ZDHHC20: variants seen among roughly 807,000 people sequenced by gnomAD.
The protein encoded by ZDHHC20 is zDHHC palmitoyltransferase 20, also known as palmitoyltransferase ZDHHC20.
Under a neutral mutation model 57.8 loss-of-function variants are expected in ZDHHC20, and 43 were observed. The ratio of observed to expected loss-of-function variants is 0.74; its 90% CI spans 0.58 to 0.96. The LOEUF (loss-of-function observed/expected upper bound fraction) is 0.96, where lower values mean the gene tolerates loss of function less well. Ranked by LOEUF, ZDHHC20 falls within the 40% of genes least tolerant of loss-of-function variation. The probability of loss-of-function intolerance (pLI) is 0.00; values close to 1 mark genes in which losing one functional copy is unlikely to be tolerated. For missense variants in ZDHHC20, 391 were observed against 441.1 expected, an observed-to-expected ratio of 0.89 and a Z score of 1.02; for synonymous variants, 157 against 153.0, an observed-to-expected ratio of 1.03 and a Z score of -0.19.
At chr13:21,415,522 A>G (rs1879845922) in intron 3 of ZDHHC20, among the ~76,000 whole-genome samples, 1 of 152,192 alleles carries the variant, frequency 6.6e-6, no homozygotes, top group African/African-American at 2.4e-5. Flanking sequence ...AAGATGAAAA[A>G]GTCTTAAAGA....
chr13:21,456,301 T>C (rs1406360807), intron 1 of ZDHHC20, among the ~76,000 whole-genome samples: 1 of 152,046 alleles, frequency 6.6e-6, no homozygotes, highest in African/African-American at 2.4e-5. Flanking sequence ...TCCCAGCTAC[T>C]TGGGAGGCTG....
At chr13:21,414,785 C>T (rs954505417) in intron 3 of ZDHHC20, among the ~76,000 whole-genome samples, 54 of 151,514 alleles carry the variant, frequency 3.6e-4, no homozygotes, top group African/African-American at 1.3e-3. Context: ...TTTAATTGTT[C>T]TTTTCATATG....
chr13:21,415,469 T>C (rs1879840752), intron 3 of ZDHHC20, among the ~76,000 whole-genome samples: 1 of 152,034 alleles, frequency 6.6e-6, no homozygotes, highest in South Asian at 2.1e-4. Context: ...CATGGACAGA[T>C]GAACAGGACA....
intron 3 of ZDHHC20, among the ~76,000 whole-genome samples, chr13:21,414,208 T>C (rs1010800286): frequency 6.7e-6 from 1 of 149,804 alleles, no homozygotes; most frequent in African/African-American, 2.5e-5. Context: ...TAGCCAAATG[T>C]CTCATGAAGG....
intron 1 of ZDHHC20, among the ~76,000 whole-genome samples, chr13:21,449,355 T>A (rs1593285800): frequency 6.6e-6 from 1 of 152,186 alleles, no homozygotes; most frequent in African/African-American, 2.4e-5. Context: ...GCAGCTCGAA[T>A]GGGGTGGGAG....
intron 8 of ZDHHC20, among the ~76,000 whole-genome samples, chr13:21,389,886 G>GT (rs1875347198): frequency 6.6e-6 from 1 of 152,134 alleles, no homozygotes; most frequent in Non-Finnish European, 1.5e-5. Context: ...AGAACTTAAG[G>GT]GCTGGACTTT....
chr13:21,446,423 C>T (rs1020972656), intron 1 of ZDHHC20, among the ~76,000 whole-genome samples: 3 of 152,146 alleles, frequency 2.0e-5, no homozygotes, highest in African/African-American at 7.2e-5. Context: ...CAGAAGACTT[C>T]ACATTTAATA....
At chr13:21,423,754 T>G (rs1880927759) in intron 2 of ZDHHC20, among the ~76,000 whole-genome samples, 1 of 151,430 alleles carries the variant, frequency 6.6e-6, no homozygotes. Context: ...TTGTTTTTCC[T>G]TTGGAAAAGT....
intron 4 of ZDHHC20, among the ~76,000 whole-genome samples, chr13:21,410,604 A>C (rs988548884): frequency 6.6e-6 from 1 of 152,204 alleles, no homozygotes; most frequent in Non-Finnish European, 1.5e-5. Context: ...GTGCCTTTGC[A>C]GAGCTGTGGT....
At chr13:21,409,161 T>C (rs1646475970) in intron 4 of ZDHHC20, among the ~76,000 whole-genome samples, 1 of 152,208 alleles carries the variant, frequency 6.6e-6, no homozygotes, top group African/African-American at 2.4e-5. Context: ...TTCTATTGTT[T>C]AGAATAGTTT....
At chr13:21,387,249 A>C (rs1332389064) in intron 9 of ZDHHC20, among the ~76,000 whole-genome samples, 1 of 152,198 alleles carries the variant, frequency 6.6e-6, no homozygotes. Context: ...TTGCATTTTG[A>C]AGAAAAAATC....
At chr13:21,398,129 A>C (rs1198042897) in intron 7 of ZDHHC20, among the ~76,000 whole-genome samples, 1 of 152,194 alleles carries the variant, frequency 6.6e-6, no homozygotes, top group Non-Finnish European at 1.5e-5. Context: ...GCAAATATTT[A>C]CTGAACACCT....
At chr13:21,435,803 C>T (rs1882482954) in intron 1 of ZDHHC20, among the ~76,000 whole-genome samples, 1 of 152,088 alleles carries the variant, frequency 6.6e-6, no homozygotes, top group African/African-American at 2.4e-5. Flanking sequence ...AAAATGTCTC[C>T]CAATAAGAAA....
Position 21,375,213 on chromosome 13 carries a change from A to C in ZDHHC20, c.*1483T>G. On this transcript the variant is annotated 3_prime_UTR_variant, in exon 13 of 13. Coordinates refer to ENST00000400590, the MANE Select transcript of ZDHHC20 (RefSeq NM_001330059.2). ...CATCACAGAATGTTAGAAGTCATCC[A>C]GTCCAACTTATTCACAACACCCCCT... is the stretch of plus-strand genomic sequence containing the variant. 1 of 456,130 alleles carries C rather than the reference A, an allele frequency of 2.2e-6. No homozygotes were observed. Among genetic ancestry groups the C allele is most frequent in the Non-Finnish European group, 4.4e-6 (1 of 226,764 alleles). The allele number at this position is 456,130 out of a possible 1,614,324, so 28.3% of individuals were successfully genotyped here. A position where few individuals can be genotyped will look rare whatever the true frequency, so the allele number is the denominator to read the frequency against.
In ZDHHC20 at chr13:21,457,350, T is replaced by C. The variant is rs1165818514; in HGVS notation, c.118+1704A>G. ...ATCTTCTGACAGAATAGGAATGACA[T>C]AACTTTTAGAATAAATGCCCACTTC... On this transcript the variant is annotated intron_variant, in intron 1 of 12. Transcript: ENST00000400590. Among the ~76,000 whole-genome samples, 6 of 152,280 alleles carry C rather than the reference T, an allele frequency of 3.9e-5. No homozygotes were observed. In the East Asian group the frequency reaches 9.6e-4, roughly 24 times the overall value.
At chr13:21,449,742 T>G (rs1360642414) in intron 1 of ZDHHC20, among the ~76,000 whole-genome samples, 1 of 151,830 alleles carries the variant, frequency 6.6e-6, no homozygotes, top group Non-Finnish European at 1.5e-5. Context: ...CCTCCAGGGT[T>G]CAAGCGATTC....
intron 1 of ZDHHC20, among the ~76,000 whole-genome samples, chr13:21,436,168 T>A (rs1334695742): frequency 6.6e-6 from 1 of 152,180 alleles, no homozygotes; most frequent in Non-Finnish European, 1.5e-5. Flanking sequence ...TAATAGAATA[T>A]TAATTACAAA....
In ZDHHC20 at chr13:21,375,199, G is replaced by C. The variant is rs532841771; in HGVS notation, c.*1497C>G. The C allele has an allele frequency of 2.2e-6, 1 of 456,476 alleles. No individual in the cohort carries two copies. The highest frequency in any genetic ancestry group is 1.5e-5 in the South Asian group (1 of 64,546). The allele number at this position is 456,476 out of a possible 1,614,324, so 28.3% of individuals were successfully genotyped here. ...TTTGCAAAATTAGGCATCACAGAATGTTAGAAGTCATCCAGTCCAACTTAT... is the reference window on the plus strand; with the variant it reads ...TTTGCAAAATTAGGCATCACAGAATCTTAGAAGTCATCCAGTCCAACTTAT... On this transcript the variant is annotated 3_prime_UTR_variant, in exon 13 of 13. Transcript: ENST00000400590.
intron 4 of ZDHHC20, among the ~76,000 whole-genome samples, chr13:21,405,556 A>G (rs983626747): frequency 5.3e-5 from 8 of 152,166 alleles, no homozygotes; most frequent in Non-Finnish European, 8.8e-5. Flanking sequence ...TGTTGAAATT[A>G]CCATATGAGT....
Sources: gnomAD v4.1 joint callset for allele counts (sites outside exome capture counted in the v4.1 genomes callset) on GRCh38, gnomAD v4.1.1 for gene constraint, MANE v1.5 for transcripts, NCBI Gene and HGNC (gene_info 2026-07-23, HGNC 2026-07-21) for gene names.